SGCD: variants seen among roughly 807,000 people sequenced by gnomAD.
SGCD encodes the protein sarcoglycan delta, also known as delta-sarcoglycan.
Under a neutral mutation model 36.6 loss-of-function variants are expected in SGCD, and 18 were observed. That is an observed-to-expected ratio of 0.49 (90% CI 0.34 to 0.73). The LOEUF is 0.73. SGCD is among the 30% of genes least tolerant of loss of function. The pLI, the probability that SGCD is intolerant of heterozygous loss-of-function variation, is 0.01. For missense variants in SGCD, 387 were observed against 346.7 expected, an observed-to-expected ratio of 1.12 and a Z score of -0.92; for synonymous variants, 133 against 130.6, an observed-to-expected ratio of 1.02 and a Z score of -0.12.
chr5:156,104,376 G>A (rs1280057224), intron 1 of SGCD, among the ~76,000 whole-genome samples: 1 of 152,134 alleles, frequency 6.6e-6, no homozygotes, highest in African/African-American at 2.4e-5. Context: ...ATGCCCAAGA[G>A]TATAGTAATA....
intron 3 of SGCD, among the ~76,000 whole-genome samples, chr5:156,446,791 G>A (rs75941928): frequency 0.024 from 3,690 of 152,254 alleles, 59 homozygotes; most frequent in African/African-American, 0.04. Context: ...GGCAAAGAAT[G>A]TGAATCCCAG....
rs1227562002 is a variant in SGCD at position 156,059,905 on chromosome 5, C to G, written c.-281-57973C>G. Among the ~76,000 whole-genome samples, 3 of 146,418 alleles carry G rather than the reference C, an allele frequency of 2.0e-5. 1 individual carries two copies. Among genetic ancestry groups the G allele is most frequent in the Non-Finnish European group, 4.6e-5 (3 of 64,986 alleles). On this transcript the variant is annotated intron_variant, in intron 1 of 9. Transcript: ENST00000517913. ...ATTTCTCTTCCTCTTTTCTTTTTAGCTGCTAATGGACCTCAGATTTGACTG... is the reference window on the plus strand; with the variant it reads ...ATTTCTCTTCCTCTTTTCTTTTTAGGTGCTAATGGACCTCAGATTTGACTG...
intron 3 of SGCD, among the ~76,000 whole-genome samples, chr5:156,209,102 G>A (rs895178575): frequency 6.6e-6 from 1 of 151,968 alleles, no homozygotes; most frequent in African/African-American, 2.4e-5. Flanking sequence ...CACTAGACAG[G>A]CCCCCCACAG....
chr5:156,600,994 T>C (rs1320052820), intron 6 of SGCD, among the ~76,000 whole-genome samples: 1 of 152,210 alleles, frequency 6.6e-6, no homozygotes, highest in East Asian at 1.9e-4. Context: ...CTTTTGCCTA[T>C]TTAAAATTGG....
At chr5:156,396,958 C>G (rs553135013) in intron 3 of SGCD, among the ~76,000 whole-genome samples, 185 of 152,346 alleles carry the variant, frequency 1.2e-3, no homozygotes, top group African/African-American at 3.9e-3. Flanking sequence ...GTCCTACTGC[C>G]TCTCAGAAAC....
chr5:156,449,675 T>TAAAA (rs1753910869), intron 3 of SGCD, among the ~76,000 whole-genome samples: 1 of 19,226 alleles, frequency 5.2e-5, no homozygotes, highest in African/African-American at 2.3e-4. Flanking sequence ...CTACTAAAAA[T>TAAAA]ACAAAAAAAA....
intron 8 of SGCD, chr5:156,758,106 T>G (rs1757407739): frequency 2.9e-6 from 2 of 679,092 alleles, no homozygotes; most frequent in Non-Finnish European, 3.7e-6. Context: ...CTGTTTTCAC[T>G]GAAAATGGGG....
chr5:155,890,130 C>A (rs1756090295), intron 1 of SGCD, among the ~76,000 whole-genome samples: 1 of 152,114 alleles, frequency 6.6e-6, no homozygotes, highest in African/African-American at 2.4e-5. Context: ...ATATTTGAGG[C>A]TTGGAAAGCC....
intron 3 of SGCD, among the ~76,000 whole-genome samples, chr5:156,205,992 T>TTATA (rs142523748): frequency 4.8e-5 from 7 of 146,818 alleles, no homozygotes; most frequent in African/African-American, 1.7e-4. Flanking sequence ...TATATATATT[T>TTATA]TATATATATA....
In SGCD at chr5:156,338,231, T is replaced by C. The variant is rs541818990; in HGVS notation, c.4-6258T>C. On this transcript the variant is annotated intron_variant, in intron 2 of 8. Transcript: ENST00000337851. ...GCATTTTTGCACAGCAAATTGGTAA[T>C]GTAGATACTGTAACTATTTCCAGGG... Among the ~76,000 whole-genome samples, 4 of 152,336 alleles carry C rather than the reference T, an allele frequency of 2.6e-5. No homozygotes were observed. In the South Asian group the frequency reaches 8.3e-4, roughly 32 times the overall value.
At chr5:156,373,272 C>T (rs1383857075) in intron 3 of SGCD, among the ~76,000 whole-genome samples, 3 of 152,154 alleles carry the variant, frequency 2.0e-5, no homozygotes, top group East Asian at 1.9e-4. Context: ...TCTGTACTCT[C>T]CAATAATTTT....
In SGCD at chr5:156,069,561, G is replaced by A. The variant is rs556473898; in HGVS notation, c.-281-48317G>A. Among the ~76,000 whole-genome samples, 347 of 152,200 alleles carry A rather than the reference G, an allele frequency of 2.3e-3. 9 individuals carry two copies. Among genetic ancestry groups the A allele is most frequent in the African/African-American group, 7.8e-3 (322 of 41,466 alleles). On this transcript the variant is annotated intron_variant, in intron 1 of 9. Transcript: ENST00000517913. ...ATAGTTTGAAGTCAGGTAGCGTGAT[G>A]CCTCCAGCTTTGTTCTTTTGGCTTA...
chr5:155,939,654 A>T (rs1287824478), intron 1 of SGCD, among the ~76,000 whole-genome samples: 1 of 150,612 alleles, frequency 6.6e-6, no homozygotes, highest in Non-Finnish European at 1.5e-5. Flanking sequence ...CAAAAAAAAA[A>T]AAAAATAATA....
intron 7 of SGCD, among the ~76,000 whole-genome samples, chr5:156,711,984 C>T (rs1275223503): frequency 6.6e-6 from 1 of 152,184 alleles, no homozygotes; most frequent in Admixed American, 6.5e-5. Context: ...AGGCTAACTT[C>T]CTGATGTTGC....
chr5:155,893,925 C>T (rs1252482565), intron 1 of SGCD, among the ~76,000 whole-genome samples: 2 of 152,188 alleles, frequency 1.3e-5, no homozygotes, highest in Admixed American at 6.5e-5. Context: ...CTGAATACTT[C>T]AGGCAATTGT....
rs1395434279 is a variant in SGCD at position 156,398,637 on chromosome 5, G to A, written c.192+53960G>A. ...TTCCCAGCCTCTCTTGCATTCAGAT[G>A]TGACCAAGTGCATAGTTCTCACTCA... On this transcript the variant is annotated intron_variant, in intron 3 of 8. Coordinates refer to ENST00000337851, the MANE Select transcript of SGCD (RefSeq NM_000337.6). 2.6e-5 allele frequency among the ~76,000 whole-genome samples: 4 copies of A among 152,148 alleles called. No homozygotes were observed. The South Asian group carries it at 6.2e-4, about 24-fold the overall frequency.
chr5:155,814,911 T>C, the SGCD span, among the ~76,000 whole-genome samples: 4 of 152,224 alleles, frequency 2.6e-5, no homozygotes, highest in African/African-American at 9.6e-5. Flanking sequence ...TTTCAATTAA[T>C]GGACATGTTT....
At chr5:156,733,236 G>T (rs139105564) in intron 7 of SGCD, among the ~76,000 whole-genome samples, 1 of 151,978 alleles carries the variant, frequency 6.6e-6, no homozygotes, top group Non-Finnish European at 1.5e-5. Context: ...CTGTGTCCCC[G>T]AGATTCTGAT....
At chr5:156,648,695 C>A (rs1377029518) in intron 7 of SGCD, among the ~76,000 whole-genome samples, 1 of 152,166 alleles carries the variant, frequency 6.6e-6, no homozygotes, top group Admixed American at 6.6e-5. Context: ...TTTTTACTAG[C>A]ATAACTATCT....
Sources: gnomAD v4.1 joint callset for allele counts (sites outside exome capture counted in the v4.1 genomes callset) on GRCh38, gnomAD v4.1.1 for gene constraint, MANE v1.5 for transcripts, NCBI Gene and HGNC (gene_info 2026-07-23, HGNC 2026-07-21) for gene names.